GRIK3: variants seen among roughly 807,000 people sequenced by gnomAD.
GRIK3 encodes the protein glutamate receptor ionotropic, kainate 3.
Under a neutral mutation model 102.5 loss-of-function variants are expected in GRIK3, and 29 were observed. The ratio of observed to expected loss-of-function variants is 0.28; its 90% confidence interval spans 0.21 to 0.39. The LOEUF (loss-of-function observed/expected upper bound fraction) is 0.39. GRIK3 is among the 10% of genes least tolerant of loss of function. The probability of loss-of-function intolerance (pLI) is 1.00; values close to 1 mark genes in which losing one functional copy is unlikely to be tolerated. For synonymous variants in GRIK3, 511 were observed against 504.9 expected (o/e 1.01, Z -0.16); for missense variants, 908 against 1,252.4 (o/e 0.73, Z 4.15).
intron 1 of GRIK3, among the ~76,000 whole-genome samples, chr1:36,906,092 T>G (rs1641281114): frequency 1.3e-5 from 2 of 152,232 alleles, no homozygotes; most frequent in South Asian, 4.1e-4. Flanking sequence ...CTCTGCCCTG[T>G]GCCACCCTGT....
chr1:36,809,114 A>T (rs1642530949), intron 13 of GRIK3, among the ~76,000 whole-genome samples: 1 of 151,914 alleles, frequency 6.6e-6, no homozygotes, highest in Admixed American at 6.6e-5. Context: ...CTCCTAATGC[A>T]TCTGCCCATC....
At chr1:36,943,859 C>T (rs368024930) in intron 1 of GRIK3, among the ~76,000 whole-genome samples, 12 of 152,246 alleles carry the variant, frequency 7.9e-5, no homozygotes, top group Admixed American at 2.0e-4. Flanking sequence ...ATCTCTGCCC[C>T]GTGCTGCCCA....
At chr1:37,029,827 G>A (rs771605536) in intron 1 of GRIK3, among the ~76,000 whole-genome samples, 16 of 152,160 alleles carry the variant, frequency 1.1e-4, no homozygotes, top group Non-Finnish European at 1.9e-4. Context: ...TGGAGGGGTC[G>A]GGGATAAAGA....
chr1:36,846,032 C>T (rs1256675021), intron 9 of GRIK3, among the ~76,000 whole-genome samples: 1 of 152,254 alleles, frequency 6.6e-6, no homozygotes, highest in East Asian at 1.9e-4. Flanking sequence ...ACCGTGACAC[C>T]ATGGCTCACA....
intron 1 of GRIK3, among the ~76,000 whole-genome samples, chr1:36,962,242 C>A (rs1330803197): frequency 1.3e-5 from 2 of 152,114 alleles, no homozygotes; most frequent in Admixed American, 6.5e-5. Context: ...AAGATCCTTG[C>A]AAAGAGGCAC....
intron 1 of GRIK3, among the ~76,000 whole-genome samples, chr1:36,948,762 G>T (rs1297709719): frequency 2.6e-5 from 4 of 152,184 alleles, no homozygotes; most frequent in African/African-American, 9.7e-5. Flanking sequence ...ATGCCTGGGG[G>T]AAGGAGCGCC....
chr1:37,010,255 C>T (rs552735819), intron 1 of GRIK3, among the ~76,000 whole-genome samples: 30 of 152,326 alleles, frequency 2.0e-4, no homozygotes, highest in African/African-American at 7.2e-4. Context: ...CTTCAATCTC[C>T]CAGAGTTGCC....
chr1:36,931,648 T>A (rs1641591800), intron 1 of GRIK3, among the ~76,000 whole-genome samples: 1 of 152,224 alleles, frequency 6.6e-6, no homozygotes, highest in Non-Finnish European at 1.5e-5. Context: ...AAGAGTGTTT[T>A]TCTTTGCCAT....
At chr1:36,961,868 T>C (rs1642014206) in intron 1 of GRIK3, among the ~76,000 whole-genome samples, 1 of 152,132 alleles carries the variant, frequency 6.6e-6, no homozygotes, top group African/African-American at 2.4e-5. Flanking sequence ...TCAGCAGTAA[T>C]CAGGACAACC....
At chr1:37,016,619 T>G (rs1224414574) in intron 1 of GRIK3, among the ~76,000 whole-genome samples, 1 of 152,134 alleles carries the variant, frequency 6.6e-6, no homozygotes, top group Non-Finnish European at 1.5e-5. Flanking sequence ...ATTTTACTTT[T>G]CCTTCTTAAC....
intron 1 of GRIK3, among the ~76,000 whole-genome samples, chr1:36,914,374 C>A (rs974442349): frequency 6.6e-6 from 1 of 152,188 alleles, no homozygotes; most frequent in African/African-American, 2.4e-5. Context: ...AGAAGTTGAA[C>A]AAGGTTGAGC....
At chr1:36,990,956 G>A (rs1642357209) in intron 1 of GRIK3, among the ~76,000 whole-genome samples, 1 of 152,158 alleles carries the variant, frequency 6.6e-6, no homozygotes, top group Non-Finnish European at 1.5e-5. Flanking sequence ...TGTGGGTCTG[G>A]AGAGTGGCTT....
chr1:36,814,114 G>T (rs554690840), intron 13 of GRIK3, among the ~76,000 whole-genome samples: 1 of 152,296 alleles, frequency 6.6e-6, no homozygotes, highest in South Asian at 2.1e-4. Context: ...CGGAAGGTGG[G>T]TGAGGGCAGA....
chr1:37,018,285 C>T (rs1204658737), intron 1 of GRIK3, among the ~76,000 whole-genome samples: 2 of 152,358 alleles, frequency 1.3e-5, no homozygotes, highest in East Asian at 3.9e-4. Flanking sequence ...AGGAAGCCCA[C>T]TAGGTCCCAA....
intron 1 of GRIK3, among the ~76,000 whole-genome samples, chr1:36,927,310 G>A (rs771812450): frequency 1.3e-5 from 2 of 152,142 alleles, no homozygotes; most frequent in Non-Finnish European, 2.9e-5. Context: ...CCAGAAGCTG[G>A]GGCCTTAAGT....
chr1:36,915,719 CTT>C (rs940543922), intron 1 of GRIK3, among the ~76,000 whole-genome samples: 2 of 152,304 alleles, frequency 1.3e-5, no homozygotes, highest in East Asian at 3.9e-4. Flanking sequence ...GCTCTCTTCT[CTT>C]GTTTGCCACC....
At chr1:36,810,774 AT>A (rs1642552583) in intron 13 of GRIK3, among the ~76,000 whole-genome samples, 1 of 152,152 alleles carries the variant, frequency 6.6e-6, no homozygotes, top group South Asian at 2.1e-4. Context: ...GCAGTTTATC[AT>A]TTTTCTTGGG....
At chr1:36,951,706 A>G (rs750964652) in intron 1 of GRIK3, among the ~76,000 whole-genome samples, 1 of 151,870 alleles carries the variant, frequency 6.6e-6, no homozygotes, top group African/African-American at 2.4e-5. Context: ...ATAATGGGGG[A>G]GAAAGAAGAG....
At chr1:36,963,469 G>A (rs1365580221) in intron 1 of GRIK3, among the ~76,000 whole-genome samples, 1 of 152,140 alleles carries the variant, frequency 6.6e-6, no homozygotes, top group Non-Finnish European at 1.5e-5. Flanking sequence ...CCTTCTGTGT[G>A]GCACGCACTT....
Sources: gnomAD v4.1 joint callset for allele counts (sites outside exome capture counted in the v4.1 genomes callset) on GRCh38, gnomAD v4.1.1 for gene constraint, MANE v1.5 for transcripts, NCBI Gene and HGNC (gene_info 2026-07-23, HGNC 2026-07-21) for gene names.